Variants in MYH14 observed in about 807,000 individuals in gnomAD.
MYH14 encodes the protein myosin-14.
Under a neutral mutation model 255.5 loss-of-function variants are expected in MYH14, and 123 were observed. The ratio of observed to expected loss-of-function variants is 0.48; its 90% CI spans 0.42 to 0.56. MYH14 has a LOEUF of 0.56. Among genes scored for constraint, MYH14 ranks in the 20% least tolerant of loss-of-function variants. MYH14 has a pLI of 0.00. For missense variants in MYH14, 2,423 were observed against 2,802.3 expected, an observed-to-expected ratio of 0.86 and a Z score of 3.06; for synonymous variants, 1,095 against 1,161.2, an observed-to-expected ratio of 0.94 and a Z score of 1.16.
Position 50,286,539 on chromosome 19 carries a change from G to A in MYH14, c.4597G>A (p.Glu1533Lys), listed in dbSNP as rs1394306209. The change falls in exon 34 of 43, where the codon GAG becomes AAG. Residue 1533 changes from glutamate to lysine, a missense_variant. Around this residue, in one of 3 missense-constraint regions of MYH14, gnomAD observed 1,513 missense variants for 1,674.8 expected, o/e 0.90. Coordinates refer to ENST00000642316, the MANE Select transcript of MYH14 (RefSeq NM_001145809.2). ...LRAVEERERA[E>K]AEGREREARA... ...GGCAGTGGAGGAACGTGAGCGGGCC[G>A]AGGCAGAGGGCCGGGAGCGTGAGGC... 4 of 1,613,272 alleles carry A rather than the reference G, an allele frequency of 2.5e-6. No individual in the cohort carries two copies. Among genetic ancestry groups the A allele is most frequent in the African/African-American group, 1.3e-5 (1 of 74,936 alleles).
chr19:50,293,799 A>T lies in MYH14; in HGVS notation c.5469+112A>T, dbSNP rs552020659. The T allele has an allele frequency of 3.7e-5, 46 of 1,229,258 alleles. No individual in the cohort carries two copies. The African/African-American group carries it at 6.7e-4, about 18-fold the overall frequency. 76.1% of individuals were successfully genotyped at this position (1,229,258 alleles called of 1,614,324 possible). A position where few individuals can be genotyped will look rare whatever the true frequency, so the allele number is the denominator to read the frequency against. On this transcript the variant is annotated intron_variant, in intron 39 of 42. Transcript: ENST00000642316. The surrounding 1 kb of genome is among the most constrained non-coding windows in gnomAD (Gnocchi z 4.1). ...AAGGGGATATTTGAGTTGGGTTTTG[A>T]AGGTTGAATAGGAGTTCTTAAAAGG...
intron 1 of MYH14, 132 bp from the exon 2 acceptor site, chr19:50,210,231 A>C: frequency 2.6e-6 from 2 of 764,944 alleles, no homozygotes; most frequent in Non-Finnish European, 3.9e-6. Flanking sequence ...CTGTTAACCC[A>C]CTTTGCAGAA....
intron 19 of MYH14, among the ~76,000 whole-genome samples, chr19:50,260,102 A>G (rs1035172414): frequency 3.3e-5 from 5 of 152,122 alleles, no homozygotes; most frequent in African/African-American, 1.2e-4. Flanking sequence ...TTTTAACAAG[A>G]TATTTTACTA....
At position 50,271,841 on chromosome 19, in the gene MYH14, C is replaced by T. The variant is rs1360474338; in HGVS notation, c.3172-8C>T. 4 of 1,612,888 alleles carry T rather than the reference C, an allele frequency of 2.5e-6. No individual in the cohort carries two copies. Among genetic ancestry groups the T allele is most frequent in the African/African-American group, 1.3e-5 (1 of 74,884 alleles). ...CCTGACTGCCCCCCATCCCACTCCA[C>T]CCCTCAGGAGCGGAAGCTGCTGGAA... On this transcript the variant is annotated splice_polypyrimidine_tract_variant and splice_region_variant and intron_variant, in intron 25 of 42. Coordinates refer to ENST00000642316, the MANE Select transcript of MYH14 (RefSeq NM_001145809.2).
In MYH14 at chr19:50,236,836, C is replaced by T. The variant is rs148076183; in HGVS notation, c.1114+4766C>T. Among the ~76,000 whole-genome samples the T allele has an allele frequency of 5.1e-3, 776 of 152,284 alleles. 6 individuals are homozygous for T. Among genetic ancestry groups the T allele is most frequent in the Middle Eastern group, 0.031 (9 of 294 alleles). The stretch of plus-strand genomic sequence containing the variant: ...ACGTCACACCATTCACCTATTTAAA[C>T]TGTGCAATTCCATAGCATTTTGTGT... On this transcript the variant is annotated intron_variant, in intron 10 of 42. Transcript: ENST00000642316.
intron 27 of MYH14, among the ~76,000 whole-genome samples, chr19:50,273,809 G>A (rs895412164): frequency 2.0e-5 from 3 of 152,068 alleles, no homozygotes; most frequent in East Asian, 1.9e-4. Context: ...GCTAATTTTC[G>A]TATTTTTAGT....
rs757474872 is a variant in MYH14, at chr19:50,289,430, C to T, written c.4753-6C>T. 5 of 1,602,658 alleles carry T rather than the reference C, an allele frequency of 3.1e-6. No individual in the cohort carries two copies. Among genetic ancestry groups the T allele is most frequent in the Non-Finnish European group, 4.3e-6 (5 of 1,175,164 alleles). On this transcript the variant is annotated splice_region_variant and splice_polypyrimidine_tract_variant and intron_variant, in intron 34 of 42. Coordinates refer to ENST00000642316, the MANE Select transcript of MYH14 (RefSeq NM_001145809.2). ...CCAGGTACCCAGCAGCTACTCTCCC[C>T]ACCAGGTGCATGAGCTGGAACGAGC...
chr19:50,272,828 G>A (rs2035362078), intron 27 of MYH14, 97 bp downstream of exon 27: 1 of 1,239,714 alleles, frequency 8.1e-7, no homozygotes, highest in Non-Finnish European at 1.1e-6. Context: ...ACAAACCCCA[G>A]TGGAGCCACT....
Position 50,272,627 on chromosome 19 carries a change from G to T in MYH14, c.3363G>T (p.Glu1121Asp). Residue 1121 changes from glutamate (E) to aspartate (D), a missense_variant, in exon 27 of 43, where the codon GAG becomes GAT. Physicochemically the swap from Glu to Asp is conservative, Grantham distance 45. Transcript: ENST00000642316. ...LEKLKRRLDG[E>D]SSELQEQMVE... ...AGCTGAAGCGGAGGCTGGATGGGGAGAGCTCAGAGCTGCAGGAGCAGATGG... is the reference window on the plus strand; with the variant it reads ...AGCTGAAGCGGAGGCTGGATGGGGATAGCTCAGAGCTGCAGGAGCAGATGG... The T allele has an allele frequency of 6.3e-7, 1 of 1,575,918 alleles. No homozygotes were observed. The highest frequency in any genetic ancestry group is 1.2e-5 in the South Asian group (1 of 85,834).
intron 23 of MYH14, 45 bp downstream of exon 23, chr19:50,267,053 G>C: frequency 6.6e-7 from 1 of 1,504,336 alleles, no homozygotes; most frequent in Non-Finnish European, 8.9e-7. Context: ...TTCGGGGTGG[G>C]GCTGTGTCGC....
At chr19:50,275,180 G>T (rs10410665) in intron 27 of MYH14, among the ~76,000 whole-genome samples, 5,887 of 152,190 alleles carry the variant, frequency 0.039, 345 homozygotes, top group African/African-American at 0.13. Flanking sequence ...TGGAGCAGGG[G>T]GCCAGGAGAG....
At position 50,271,532 on chromosome 19, in the gene MYH14, T is replaced by G. The variant is rs756358860; in HGVS notation, c.3157T>G (p.Ser1053Ala). Residue 1053 changes from serine (S) to alanine (A), a missense_variant, in exon 25 of 43, where the codon TCC (serine) becomes GCC (alanine). Around this residue, in one of 3 missense-constraint regions of MYH14, gnomAD observed 1,513 missense variants for 1,674.8 expected, o/e 0.90. Coordinates refer to ENST00000642316, the MANE Select transcript of MYH14 (RefSeq NM_001145809.2). ...CCTGCTGCTCCTGGAAGACCAGAAT[T>G]CCAAGCTGAGCAAGGTTGGGGGCCT... Reference protein sequence around the residue: ...EDLLLLEDQNSKLSKERKLLE... With the variant: ...EDLLLLEDQNAKLSKERKLLE... 6.2e-7 allele frequency: 1 copy of G among 1,605,948 alleles called. No homozygotes were observed. The highest frequency in any genetic ancestry group is 1.3e-5 in the African/African-American group (1 of 74,868).
rs2033334687 is a variant in MYH14 at position 50,230,692 on chromosome 19, TC to T, written c.973+70del. On this transcript the variant is annotated intron_variant, in intron 9 of 42. Transcript: ENST00000642316. This position sits in a 1 kb window ranked among gnomAD's most constrained non-coding sequence, Gnocchi z 4.7. The stretch of plus-strand genomic sequence containing the variant: ...GGCACCATGTCTCTCGGGGGCCCCT[TC>T]TGGGGAGGAAGCAAGAGTGGGGGGC... The T allele has an allele frequency of 7.2e-7, 1 of 1,380,290 alleles. No homozygotes were observed. The highest frequency in any genetic ancestry group is 1.8e-4 in the Middle Eastern group (1 of 5,588). 85.5% of individuals were successfully genotyped at this position (1,380,290 alleles called of 1,614,324 possible). A position where few individuals can be genotyped will look rare whatever the true frequency, so the allele number is the denominator to read the frequency against.
At chr19:50,295,940 G>A (rs899779000) in intron 39 of MYH14, among the ~76,000 whole-genome samples, 1 of 151,978 alleles carries the variant, frequency 6.6e-6, no homozygotes, top group Non-Finnish European at 1.5e-5. Flanking sequence ...GTGAAACCCC[G>A]TCTCTACTAA....
In MYH14 at chr19:50,230,777, C is replaced by T. The variant is rs985090789; in HGVS notation, c.973+154C>T. ...GCTCCCGCAGCCCCTGCTCTCGCTG[C>T]GTAGTGGCGTCTGTCGCACGGTGGG... On this transcript the variant is annotated intron_variant, in intron 9 of 42. Coordinates refer to ENST00000642316, the MANE Select transcript of MYH14 (RefSeq NM_001145809.2). This position sits in a 1 kb window ranked among gnomAD's most constrained non-coding sequence, Gnocchi z 4.7. 3.1e-6 allele frequency: 2 copies of T among 645,190 alleles called. No homozygotes were observed. Among genetic ancestry groups the T allele is most frequent in the East Asian group, 5.5e-5 (2 of 36,130 alleles). The allele number at this position is 645,190 out of a possible 1,614,324, so 40.0% of individuals were successfully genotyped here.
chr19:50,276,684 C>G lies in MYH14; in HGVS notation c.3681-73C>G. Reference sequence around the variant, plus strand: ...TTTAAGGAAACATGAAAAGGAGAAACAACCAGCTCCCCCAAAGCCCCTGCC... The same window carrying G: ...TTTAAGGAAACATGAAAAGGAGAAAGAACCAGCTCCCCCAAAGCCCCTGCC... On this transcript the variant is annotated intron_variant, in intron 28 of 42. Transcript: ENST00000642316. This position sits in a 1 kb window ranked among gnomAD's most constrained non-coding sequence, Gnocchi z 4.3. 1 of 1,596,282 alleles carries G rather than the reference C, an allele frequency of 6.3e-7. No individual in the cohort carries two copies. The highest frequency in any genetic ancestry group is 8.6e-7 in the Non-Finnish European group (1 of 1,166,532).
intron 41 of MYH14, among the ~76,000 whole-genome samples, chr19:50,308,104 T>A (rs1210672426): frequency 6.6e-6 from 1 of 152,196 alleles, no homozygotes; most frequent in Non-Finnish European, 1.5e-5. Context: ...GATTGGGGAA[T>A]CCTCTTCAGG....
rs748331828 is a variant in MYH14, at chr19:50,293,302, G to T, written c.5326G>T (p.Ala1776Ser). 2 of 1,606,654 alleles carry T rather than the reference G, an allele frequency of 1.2e-6. No homozygotes were observed. The highest frequency in any genetic ancestry group is 1.7e-6 in the Non-Finnish European group (2 of 1,176,818). Residue 1776 changes from alanine to serine, a missense_variant, in exon 38 of 43, where the codon GCC (alanine) becomes TCC (serine). Ala to Ser is a moderately conservative substitution (Grantham distance 99, BLOSUM62 1). Transcript: ENST00000642316. This position sits in a 1 kb window ranked among gnomAD's most constrained non-coding sequence, Gnocchi z 4.1. ...QDRDEMADEV[A>S]NGNLSKAAIL... ...CCGGGATGAGATGGCAGATGAGGTG[G>T]CCAATGGTAACCTTAGCAAGTAAGT...
chr19:50,275,807 C>G (rs753527473), intron 27 of MYH14, among the ~76,000 whole-genome samples, 184 bp from the exon 28 acceptor site: 6 of 152,224 alleles, frequency 3.9e-5, no homozygotes, highest in Non-Finnish European at 5.9e-5. Context: ...GCATGGGCAG[C>G]AGAGCGAGAC....
Sources: allele counts gnomAD v4.1 joint callset (sites outside exome capture counted in the v4.1 genomes callset), GRCh38; gene constraint gnomAD v4.1.1; regional missense constraint gnomAD v4.1.1; non-coding constraint Gnocchi (gnomAD v3.1); transcripts MANE v1.5; gene names NCBI Gene and HGNC (gene_info 2026-07-23, HGNC 2026-07-21).